The following DGKI variants were observed in gnomAD, a reference collection of about 807,000 sequenced individuals.
DGKI encodes the protein diacylglycerol kinase iota.
DGKI carries 55 observed loss-of-function variants against 147.5 expected under a neutral mutation model. The ratio of observed to expected loss-of-function variants is 0.37; its 90% confidence interval spans 0.30 to 0.47. The LOEUF (loss-of-function observed/expected upper bound fraction) is 0.47. DGKI is among the 20% of genes least tolerant of loss of function. The probability of loss-of-function intolerance (pLI) is 1.00; values close to 1 mark genes in which losing one functional copy is unlikely to be tolerated. For synonymous variants in DGKI, 469 were observed against 477.1 expected (o/e 0.98, Z 0.22); for missense variants, 1,007 against 1,323.8 (o/e 0.76, Z 3.71).
intron 1 of DGKI, among the ~76,000 whole-genome samples, chr7:137,821,107 T>C (rs1797884495): frequency 6.6e-6 from 1 of 152,146 alleles, no homozygotes; most frequent in South Asian, 2.1e-4. Flanking sequence ...TTGAGGAGAA[T>C]GACATCTGAG....
rs199689390 is a variant in DGKI at position 137,843,230 on chromosome 7, CT to C, written c.401+3231del. Among the ~76,000 whole-genome samples, 726 of 142,160 alleles carry C rather than the reference CT, an allele frequency of 5.1e-3. 3 individuals carry two copies. The highest frequency in any genetic ancestry group is 0.011 in the African/African-American group (445 of 38,942). The allele number at this position is 142,160 out of a possible 152,430, so 93.3% of individuals were successfully genotyped here. ...CCCCTCCCTTATGTGTTTCTGAAGTCTTTTTTTTTTTATTGTACTGACTTAT... is the reference window on the plus strand; with the variant it reads ...CCCCTCCCTTATGTGTTTCTGAAGTCTTTTTTTTTTATTGTACTGACTTAT... On this transcript the variant is annotated intron_variant, in intron 1 of 32. Transcript: ENST00000614521.
intron 19 of DGKI, among the ~76,000 whole-genome samples, chr7:137,556,127 TATC>T (rs1818215017): frequency 6.6e-6 from 1 of 152,080 alleles, no homozygotes; most frequent in Non-Finnish European, 1.5e-5. Context: ...AAAACCACAT[TATC>T]ATCTCAAAAG....
chr7:137,621,056 T>C (rs1820731819), intron 7 of DGKI, among the ~76,000 whole-genome samples: 1 of 152,180 alleles, frequency 6.6e-6, no homozygotes, highest in African/African-American at 2.4e-5. Flanking sequence ...CCACCCTAAT[T>C]ACATTACATA....
intron 1 of DGKI, among the ~76,000 whole-genome samples, chr7:137,799,307 C>T (rs1175685399): frequency 6.6e-6 from 1 of 151,942 alleles, no homozygotes; most frequent in Non-Finnish European, 1.5e-5. Flanking sequence ...CAGAATAGGC[C>T]AATATACAGA....
chr7:137,693,840 T>A (rs958201619), intron 1 of DGKI, among the ~76,000 whole-genome samples: 2 of 152,206 alleles, frequency 1.3e-5, no homozygotes, highest in Non-Finnish European at 2.9e-5. Context: ...AGCAGCTCTT[T>A]AAAAATAAAT....
In DGKI at chr7:137,425,110, ACCCCTGAC is replaced by A. The variant is rs1563010864; in HGVS notation, c.2762-12911_2762-12904del. ...TCCTCAAATGGGTCCCTGACCCCTG[ACCCCTGAC>A]CCCTGAGCAGCCTAGCTGGGAGGCA... On this transcript the variant is annotated intron_variant, in intron 28 of 32. Coordinates refer to ENST00000614521, the MANE Select transcript of DGKI (RefSeq NM_001321708.2). Among the ~76,000 whole-genome samples the A allele has an allele frequency of 3.3e-3, 484 of 147,688 alleles. 2 individuals are homozygous for A. Among genetic ancestry groups the A allele is most frequent in the African/African-American group, 0.012 (441 of 37,224 alleles).
At chr7:137,513,636 C>A (rs925020589) in intron 21 of DGKI, among the ~76,000 whole-genome samples, 3 of 152,116 alleles carry the variant, frequency 2.0e-5, no homozygotes, top group Non-Finnish European at 4.4e-5. Context: ...TTAACACAAA[C>A]CTAGGTGGAA....
At chr7:137,747,648 C>T (rs549670497) in intron 1 of DGKI, among the ~76,000 whole-genome samples, 1 of 152,288 alleles carries the variant, frequency 6.6e-6, no homozygotes, top group South Asian at 2.1e-4. Context: ...CCCTTCATTC[C>T]TTCCTTGCTT....
chr7:137,621,837 A>G lies in DGKI; in HGVS notation c.876+1646T>C, dbSNP rs371500439. On this transcript the variant is annotated intron_variant, in intron 7 of 32. Coordinates refer to ENST00000614521, the MANE Select transcript of DGKI (RefSeq NM_001321708.2). Reference sequence around the variant, plus strand: ...CATCGCACCACAGCCTGGTAGCTGCACAGGGCAGGAGCAGATGCAGCCGAT... The same window carrying G: ...CATCGCACCACAGCCTGGTAGCTGCGCAGGGCAGGAGCAGATGCAGCCGAT... Among the ~76,000 whole-genome samples the G allele has an allele frequency of 1.9e-3, 296 of 152,338 alleles. 1 individual carries two copies. The highest frequency in any genetic ancestry group is 6.4e-3 in the African/African-American group (264 of 41,570).
chr7:137,772,948 CAG>C (rs1319192426), intron 1 of DGKI, among the ~76,000 whole-genome samples: 3 of 152,184 alleles, frequency 2.0e-5, no homozygotes, highest in Non-Finnish European at 4.4e-5. Context: ...AAGGGTGAGT[CAG>C]TGTCACAATG....
intron 1 of DGKI, among the ~76,000 whole-genome samples, chr7:137,745,866 G>A (rs1481182345): frequency 3.9e-5 from 6 of 152,070 alleles, no homozygotes; most frequent in East Asian, 3.9e-4. Flanking sequence ...AAATAAATTC[G>A]TTCTAGATTT....
rs776372455 is a variant in DGKI at position 137,609,080 on chromosome 7, A to C, written c.1069-16T>G. 2 of 1,602,680 alleles carry C rather than the reference A, an allele frequency of 1.2e-6. No homozygotes were observed. The highest frequency in any genetic ancestry group is 8.5e-7 in the Non-Finnish European group (1 of 1,169,882). On this transcript the variant is annotated splice_polypyrimidine_tract_variant and intron_variant, in intron 9 of 32. Transcript: ENST00000614521. ...TGTTTTCCTGCTGAAAGAAGCAATCAGCACTGTTAGGATACACATCCATGG... is the reference window on the plus strand; with the variant it reads ...TGTTTTCCTGCTGAAAGAAGCAATCCGCACTGTTAGGATACACATCCATGG...
rs568804281 is a variant in DGKI, at chr7:137,657,949, G to A, written c.607-1409C>T. On this transcript the variant is annotated intron_variant, in intron 3 of 32. Transcript: ENST00000614521. The stretch of plus-strand genomic sequence containing the variant: ...AAAGAACCTAAAACACTGCAGTACC[G>A]CTGCCATGAAACTTGTAGAAGAAAT... Among the ~76,000 whole-genome samples the A allele has an allele frequency of 1.1e-4, 16 of 152,274 alleles. No homozygotes were observed. In the South Asian group the frequency reaches 1.4e-3, roughly 14 times the overall value.
intron 10 of DGKI, among the ~76,000 whole-genome samples, chr7:137,606,169 C>T (rs7798736): frequency 0.02 from 3,007 of 152,054 alleles, 108 homozygotes; most frequent in African/African-American, 0.069. Context: ...AGTCCTTACA[C>T]GGTTCATCCC....
chr7:137,827,063 T>TC, intron 1 of DGKI, among the ~76,000 whole-genome samples: 1 of 151,872 alleles, frequency 6.6e-6, no homozygotes, highest in Admixed American at 6.6e-5. Flanking sequence ...AGAACAGGGG[T>TC]CCCCCTTCCT....
At chr7:137,786,882 C>T (rs1382192795) in intron 1 of DGKI, among the ~76,000 whole-genome samples, 1 of 152,024 alleles carries the variant, frequency 6.6e-6, no homozygotes, top group African/African-American at 2.4e-5. Context: ...GGAGAGGACA[C>T]CCTATTCAAC....
At chr7:137,656,630 T>C in intron 3 of DGKI, 90 bp from the exon 4 acceptor site, 1 of 1,102,724 alleles carries the variant, frequency 9.1e-7, no homozygotes, top group Non-Finnish European at 1.3e-6. Flanking sequence ...ATATAATAAA[T>C]ACATAAATAC....
intron 28 of DGKI, among the ~76,000 whole-genome samples, chr7:137,437,026 T>C (rs1813311852): frequency 6.6e-6 from 1 of 152,210 alleles, no homozygotes; most frequent in South Asian, 2.1e-4. Flanking sequence ...ACCTGCATCA[T>C]GACCACCTGG....
intron 1 of DGKI, among the ~76,000 whole-genome samples, chr7:137,796,556 T>A (rs1797038946): frequency 6.7e-6 from 1 of 149,602 alleles, no homozygotes; most frequent in Admixed American, 6.7e-5. Context: ...GCCTAGAGAG[T>A]TAAAGGAAAA....
Sources: allele counts gnomAD v4.1 joint callset (sites outside exome capture counted in the v4.1 genomes callset), GRCh38; gene constraint gnomAD v4.1.1; transcripts MANE v1.5; gene names NCBI Gene and HGNC (gene_info 2026-07-23, HGNC 2026-07-21).